PBX3: variants seen among roughly 807,000 people sequenced by gnomAD.
PBX3 encodes PBX homeobox 3.
PBX3 carries 14 observed loss-of-function variants against 48.5 expected under a neutral mutation model. That is an observed-to-expected ratio of 0.29 (90% CI 0.19 to 0.45). The LOEUF is 0.45. Among genes scored for constraint, PBX3 ranks in the 20% least tolerant of loss-of-function variants. The pLI, the probability that PBX3 is intolerant of heterozygous loss-of-function variation, is 1.00. For synonymous variants in PBX3, 210 were observed against 200.3 expected (o/e 1.05, Z -0.41); for missense variants, 386 against 546.7 (o/e 0.71, Z 2.93).
intron 2 of PBX3, among the ~76,000 whole-genome samples, chr9:125,826,582 CACTT>C (rs1397397606): frequency 6.6e-6 from 1 of 152,028 alleles, no homozygotes; most frequent in African/African-American, 2.4e-5. Context: ...TGATGACACA[CACTT>C]TTTTTCTTTG....
intron 5 of PBX3, among the ~76,000 whole-genome samples, chr9:125,949,176 T>G (rs10760405): frequency 0.63 from 95,937 of 152,126 alleles, 31,787 homozygotes; most frequent in East Asian, 0.77. Flanking sequence ...GCACTATTTA[T>G]TAACAGTGTG....
At chr9:125,892,703 A>C (rs1840678257) in intron 2 of PBX3, among the ~76,000 whole-genome samples, 1 of 152,234 alleles carries the variant, frequency 6.6e-6, no homozygotes, top group Admixed American at 6.5e-5. Flanking sequence ...AAAAATGCAG[A>C]ACTGCCTGAA....
At chr9:125,801,300 C>A (rs1432561961) in intron 2 of PBX3, among the ~76,000 whole-genome samples, 1 of 152,140 alleles carries the variant, frequency 6.6e-6, no homozygotes, top group Non-Finnish European at 1.5e-5. Flanking sequence ...ATTAGGCTGC[C>A]TTGTCTTCAG....
intron 2 of PBX3, among the ~76,000 whole-genome samples, chr9:125,865,864 C>CT (rs1839966604): frequency 6.6e-6 from 1 of 152,110 alleles, no homozygotes; most frequent in Admixed American, 6.5e-5. Context: ...GAGAAGACCT[C>CT]TGAGAATCAT....
chr9:125,776,164 T>A, intron 2 of PBX3, among the ~76,000 whole-genome samples: 1 of 152,248 alleles, frequency 6.6e-6, no homozygotes, highest in African/African-American at 2.4e-5. Flanking sequence ...ATTCTTGTCT[T>A]ATTCTTAATA....
intron 2 of PBX3, among the ~76,000 whole-genome samples, chr9:125,801,784 T>TACACACACACACACAC (rs755443165): frequency 5.4e-5 from 4 of 74,250 alleles, no homozygotes; most frequent in South Asian, 4.5e-4. Flanking sequence ...TGAACATGTA[T>TACACACACACACACAC]ACACATACAC....
At chr9:125,931,745 TATACC>T (rs1413957075) in intron 4 of PBX3, among the ~76,000 whole-genome samples, 1 of 152,156 alleles carries the variant, frequency 6.6e-6, no homozygotes, top group Non-Finnish European at 1.5e-5. Flanking sequence ...GGTGAACAAA[TATACC>T]ATAACATTCT....
intron 5 of PBX3, among the ~76,000 whole-genome samples, chr9:125,948,372 T>C (rs771875453): frequency 6.6e-6 from 1 of 152,214 alleles, no homozygotes; most frequent in Non-Finnish European, 1.5e-5. Flanking sequence ...AAATAAATTT[T>C]AAACAGTTTA....
chr9:125,877,061 C>T (rs753924234), intron 2 of PBX3, among the ~76,000 whole-genome samples: 10 of 152,046 alleles, frequency 6.6e-5, no homozygotes, highest in South Asian at 2.1e-4. Context: ...CGTGAGCCAC[C>T]GTGCCGGGCA....
intron 2 of PBX3, among the ~76,000 whole-genome samples, chr9:125,801,197 A>G (rs1425413822): frequency 1.3e-5 from 2 of 152,254 alleles, no homozygotes; most frequent in Non-Finnish European, 2.9e-5. Flanking sequence ...TTAGATTAAT[A>G]TGAACAATGA....
chr9:125,797,546 TA>T (rs1030621911), intron 2 of PBX3: 11 of 152,168 alleles, frequency 7.2e-5, no homozygotes, highest in African/African-American at 2.7e-4. Context: ...TCATATAAGA[TA>T]AATTTTATTG....
At chr9:125,949,037 A>G (rs1376120828) in intron 5 of PBX3, among the ~76,000 whole-genome samples, 1 of 152,190 alleles carries the variant, frequency 6.6e-6, no homozygotes, top group African/African-American at 2.4e-5. Context: ...CTGGAATTAC[A>G]GGCATGAGCC....
rs1058389 is a variant in PBX3, at chr9:125,963,068, A to G, written c.1179A>G (p.Gly393=). ...CGGGAGGCTACAGTGATGGCCTTGG[A>G]GGAAATTCACTGTACAGTCCACATA... is the stretch of plus-strand genomic sequence containing the variant. The part of the protein sequence containing the change: ...NQTGGYSDGL[G]GNSLYSPHNL... The change falls in exon 8 of 9, where the codon GGA becomes GGG. Residue 393 remains glycine (G), a synonymous_variant. Transcript: ENST00000373489. The G allele has an allele frequency of 5.1e-3, 8,269 of 1,609,532 alleles. 45 individuals are homozygous for G. The highest frequency in any genetic ancestry group is 6.1e-3 in the Non-Finnish European group (7,187 of 1,176,420).
chr9:125,766,047 T>C (rs1312614591), intron 2 of PBX3, among the ~76,000 whole-genome samples: 1 of 152,162 alleles, frequency 6.6e-6, no homozygotes, highest in African/African-American at 2.4e-5. Flanking sequence ...ATGGGAGGAC[T>C]AGTTTTATTT....
chr9:125,776,469 A>G (rs1837072945), intron 2 of PBX3, among the ~76,000 whole-genome samples: 1 of 152,114 alleles, frequency 6.6e-6, no homozygotes, highest in Non-Finnish European at 1.5e-5. Flanking sequence ...TTTTGTGTCT[A>G]TACTTGTAAA....
At chr9:125,767,263 G>T (rs896788041) in intron 2 of PBX3, among the ~76,000 whole-genome samples, 1 of 152,172 alleles carries the variant, frequency 6.6e-6, no homozygotes, top group Non-Finnish European at 1.5e-5. Context: ...GAGTTAGGCT[G>T]ATATGTATGT....
At chr9:125,895,638 T>G (rs1840752018) in intron 2 of PBX3, among the ~76,000 whole-genome samples, 1 of 152,072 alleles carries the variant, frequency 6.6e-6, no homozygotes, top group Non-Finnish European at 1.5e-5. Flanking sequence ...CTACCATAAT[T>G]GTGATAGATA....
intron 2 of PBX3, among the ~76,000 whole-genome samples, chr9:125,810,365 A>AGTGTGTGTGTGTGT (rs113025234): frequency 1.4e-5 from 2 of 145,416 alleles, no homozygotes; most frequent in East Asian, 2.0e-4. Flanking sequence ...AGCAGGAATG[A>AGTGTGTGTGTGTGT]GTGTGTGTGT....
intron 2 of PBX3, among the ~76,000 whole-genome samples, chr9:125,884,966 G>A (rs1356613436): frequency 6.6e-6 from 1 of 151,960 alleles, no homozygotes; most frequent in Non-Finnish European, 1.5e-5. Flanking sequence ...ATCTTCATTT[G>A]CCCATTGAAT....
Sources: allele counts gnomAD v4.1 joint callset (sites outside exome capture counted in the v4.1 genomes callset), GRCh38; gene constraint gnomAD v4.1.1; transcripts MANE v1.5; gene names NCBI Gene and HGNC (gene_info 2026-07-23, HGNC 2026-07-21).